Variants in STOM observed in about 807,000 individuals in gnomAD.
STOM encodes the protein erythrocyte band 7 integral membrane protein.
STOM carries 25 observed loss-of-function variants against 30.6 expected under a neutral mutation model. That is an observed-to-expected ratio of 0.82 (90% CI 0.60 to 1.14). The LOEUF (loss-of-function observed/expected upper bound fraction) is 1.14, where lower values mean the gene tolerates loss of function less well. Ranked by LOEUF, STOM falls within the 50% of genes most tolerant of loss-of-function variation. The pLI, the probability that STOM is intolerant of heterozygous loss-of-function variation, is 0.00. For missense variants in STOM, 292 were observed against 365.2 expected (o/e 0.80, Z 1.63); for synonymous variants, 118 against 130.8 (o/e 0.90, Z 0.67).
chr9:121,361,526 C>T (rs2064452386), intron 1 of STOM, among the ~76,000 whole-genome samples: 1 of 151,598 alleles, frequency 6.6e-6, no homozygotes, highest in South Asian at 2.1e-4. Flanking sequence ...GTAGCTGGGA[C>T]TACAGGTGCC....
intron 1 of STOM, among the ~76,000 whole-genome samples, chr9:121,359,979 T>A (rs2064434632): frequency 6.6e-6 from 1 of 152,192 alleles, no homozygotes; most frequent in African/African-American, 2.4e-5. Context: ...GTTTCCAGGG[T>A]GAAATGAATT....
At position 121,370,245 on chromosome 9, in the gene STOM, G is replaced by C. The variant is rs2064553733; in HGVS notation, c.-58C>G. On this transcript the variant is annotated 5_prime_UTR_variant, in exon 1 of 7. Transcript: ENST00000286713. Reference sequence around the variant, plus strand: ...TCGTTGCCAAACCCGGAGCCGCCGGGAATGCCCTGAGGAGCCAGAGGCACA... The same window carrying C: ...TCGTTGCCAAACCCGGAGCCGCCGGCAATGCCCTGAGGAGCCAGAGGCACA... The C allele has an allele frequency of 6.6e-7, 1 of 1,519,840 alleles. No homozygotes were observed. The highest frequency in any genetic ancestry group is 8.9e-7 in the Non-Finnish European group (1 of 1,128,162). 94.1% of individuals were successfully genotyped at this position (1,519,840 alleles called of 1,614,324 possible).
intron 1 of STOM, among the ~76,000 whole-genome samples, chr9:121,356,781 A>G (rs1425222640): frequency 6.6e-6 from 1 of 152,124 alleles, no homozygotes; most frequent in African/African-American, 2.4e-5. Context: ...TCAAGAGTTC[A>G]AGACCAGCCT....
intron 1 of STOM, among the ~76,000 whole-genome samples, chr9:121,366,920 T>C (rs1314322320): frequency 1.3e-5 from 2 of 148,924 alleles, no homozygotes; most frequent in African/African-American, 5.0e-5. Context: ...AGACCCTGAG[T>C]TAAAAAAAAA....
At chr9:121,344,840 G>T (rs1376176158) in intron 6 of STOM, among the ~76,000 whole-genome samples, 1 of 152,116 alleles carries the variant, frequency 6.6e-6, no homozygotes, top group Non-Finnish European at 1.5e-5. Flanking sequence ...TTTTCTGAGA[G>T]TTATGAAAAG....
chr9:121,355,944 A>G (rs760633262), intron 2 of STOM, 109 bp downstream of exon 2: 251 of 657,470 alleles, frequency 3.8e-4, no homozygotes, highest in Non-Finnish European at 4.5e-4. Context: ...AAGAATTATA[A>G]GAGAGAGAGA....
At position 121,339,224 on chromosome 9, in the gene STOM, C is replaced by T. The variant is rs2064225322; in HGVS notation, c.*1978G>A. ...TTCAGCTGATTGGACTACGAATTCA[C>T]AAGGCAGAAAAGTCAAGGTCATTTG... On this transcript the variant is annotated 3_prime_UTR_variant, in exon 7 of 7. Coordinates refer to ENST00000286713, the MANE Select transcript of STOM (RefSeq NM_004099.6). 6.4e-6 allele frequency: 1 copy of T among 155,486 alleles called. No individual in the cohort carries two copies. Among genetic ancestry groups the T allele is most frequent in the South Asian group, 2.1e-4 (1 of 4,850 alleles). 9.6% of individuals were successfully genotyped at this position (155,486 alleles called of 1,614,324 possible).
chr9:121,367,596 AT>A (rs537344329), intron 1 of STOM, among the ~76,000 whole-genome samples: 2 of 152,238 alleles, frequency 1.3e-5, no homozygotes, highest in South Asian at 4.1e-4. Flanking sequence ...ATTCTTTGCA[AT>A]TACTTGCATT....
chr9:121,341,372 C>G lies in STOM; in HGVS notation c.697G>C (p.Ala233Pro), dbSNP rs1383036900. The G allele has an allele frequency of 2.5e-6, 4 of 1,613,610 alleles. No individual in the cohort carries two copies. The highest frequency in any genetic ancestry group is 3.4e-6 in the Non-Finnish European group (4 of 1,180,036). The change falls in exon 7 of 7, where the codon GCT becomes CCT. Residue 233 changes from alanine to proline, a missense_variant. Coordinates refer to ENST00000286713, the MANE Select transcript of STOM (RefSeq NM_004099.6). ...ATGACCATGGAGGCTTCTTTCAGAG[C>G]CCTGGATGCATTCATTTCTCCTTCG... is the stretch of plus-strand genomic sequence containing the variant. ...AAEGEMNASR[A>P]LKEASMVITE...
At chr9:121,363,235 T>C (rs752352689) in intron 1 of STOM, among the ~76,000 whole-genome samples, 8 of 152,204 alleles carry the variant, frequency 5.3e-5, no homozygotes, top group Non-Finnish European at 1.2e-4. Flanking sequence ...AGAGCAGTCC[T>C]GCCTGGATGG....
At chr9:121,351,307 C>T (rs189670459) in intron 4 of STOM, among the ~76,000 whole-genome samples, 2 of 152,360 alleles carry the variant, frequency 1.3e-5, no homozygotes, top group East Asian at 3.9e-4. Flanking sequence ...TACAGTGATA[C>T]TCTCAGTCTT....
intron 1 of STOM, among the ~76,000 whole-genome samples, chr9:121,365,652 C>T (rs1025683265): frequency 6.6e-6 from 1 of 152,020 alleles, no homozygotes. Context: ...AACAGCTAAG[C>T]AGTGGCTAAA....
chr9:121,342,785 C>A (rs1020408427), intron 6 of STOM, among the ~76,000 whole-genome samples: 1 of 152,080 alleles, frequency 6.6e-6, no homozygotes, highest in Non-Finnish European at 1.5e-5. Flanking sequence ...TTTTTACATG[C>A]CGATTTAAAA....
At chr9:121,347,197 G>A (rs1388540874) in intron 6 of STOM, among the ~76,000 whole-genome samples, 1 of 152,236 alleles carries the variant, frequency 6.6e-6, no homozygotes, top group African/African-American at 2.4e-5. Context: ...ACAGTGAGAT[G>A]TGGCACAGGA....
At position 121,363,787 on chromosome 9, in the gene STOM, G is replaced by T. The variant is rs573830742; in HGVS notation, c.61+6340C>A. Among the ~76,000 whole-genome samples, 15 of 152,300 alleles carry T rather than the reference G, an allele frequency of 9.8e-5. No homozygotes were observed. In the South Asian group the frequency reaches 3.1e-3, roughly 32 times the overall value. On this transcript the variant is annotated intron_variant, in intron 1 of 6. Transcript: ENST00000286713. Reference sequence around the variant, plus strand: ...ACTATTTATTTGAGGAGGAAGACTTGCATAAATTAAATAATGCATTTGATC... The same window carrying T: ...ACTATTTATTTGAGGAGGAAGACTTTCATAAATTAAATAATGCATTTGATC...
chr9:121,365,929 A>G (rs2064499021), intron 1 of STOM, among the ~76,000 whole-genome samples: 1 of 152,212 alleles, frequency 6.6e-6, no homozygotes, highest in Admixed American at 6.5e-5. Flanking sequence ...GAAAATATCA[A>G]CTAACAATCT....
intron 1 of STOM, among the ~76,000 whole-genome samples, chr9:121,357,874 G>A (rs58212502): frequency 0.1 from 15,968 of 152,116 alleles, 1,365 homozygotes; most frequent in African/African-American, 0.23. Context: ...CTTGCATAAA[G>A]TTTAAAAAGT....
intron 1 of STOM, among the ~76,000 whole-genome samples, chr9:121,356,844 G>A (rs373891481): frequency 3.9e-5 from 6 of 152,138 alleles, no homozygotes; most frequent in African/African-American, 1.4e-4. Context: ...TTAGCTAGGC[G>A]TTGTGGTGAG....
intron 1 of STOM, chr9:121,369,921 T>C (rs1433190246): frequency 2.0e-6 from 1 of 506,680 alleles, no homozygotes. Flanking sequence ...AACGTGCCGT[T>C]GGCAGCCCGC....
Sources: allele counts gnomAD v4.1 joint callset (sites outside exome capture counted in the v4.1 genomes callset), GRCh38; gene constraint gnomAD v4.1.1; transcripts MANE v1.5; gene names NCBI Gene and HGNC (gene_info 2026-07-23, HGNC 2026-07-21).